ADAM19: variants seen among roughly 807,000 people sequenced by gnomAD.
ADAM19 encodes the protein disintegrin and metalloproteinase domain-containing protein 19.
A neutral mutation model predicts 114.7 loss-of-function variants in ADAM19; 65 were observed. The ratio of observed to expected loss-of-function variants is 0.57; its 90% CI spans 0.46 to 0.70. The LOEUF is 0.70. Among genes scored for constraint, ADAM19 ranks in the 30% least tolerant of loss-of-function variants. The probability of loss-of-function intolerance (pLI) is 0.00; values close to 1 mark genes in which losing one functional copy is unlikely to be tolerated. For missense variants in ADAM19, 1,063 were observed against 1,204.7 expected (o/e 0.88, Z 1.74); for synonymous variants, 466 against 460.5 (o/e 1.01, Z -0.15).
At chr5:157,564,312 G>A (rs1479279286) in intron 3 of ADAM19, 61 bp downstream of exon 3, 2 of 1,499,810 alleles carry the variant, frequency 1.3e-6, no homozygotes, top group African/African-American at 2.7e-5. Flanking sequence ...AGCGACACCT[G>A]CGTCCGGCGT....
intron 1 of ADAM19, among the ~76,000 whole-genome samples, chr5:157,574,830 C>T (rs1561563740): frequency 6.6e-6 from 1 of 152,200 alleles, no homozygotes; most frequent in Non-Finnish European, 1.5e-5. Context: ...TCGAGTCAGA[C>T]CCCTTCGCTT....
Position 157,480,659 on chromosome 5 carries a change from G to A in ADAM19, c.*290C>T. On this transcript the variant is annotated 3_prime_UTR_variant, in exon 23 of 23. Coordinates refer to ENST00000257527, the MANE Select transcript of ADAM19 (RefSeq NM_033274.5). The stretch of plus-strand genomic sequence containing the variant: ...CTCCATCAGCACCTCGGGGCTAGGA[G>A]TCTGGAGGAGAAGCTGCCAGTCACC... 1 of 1,234,386 alleles carries A rather than the reference G, an allele frequency of 8.1e-7. No individual in the cohort carries two copies. The highest frequency in any genetic ancestry group is 1.0e-6 in the Non-Finnish European group (1 of 981,060). The allele number at this position is 1,234,386 out of a possible 1,614,324, so 76.5% of individuals were successfully genotyped here.
chr5:157,491,627 T>C lies in ADAM19; in HGVS notation c.2083A>G (p.Met695Val). Residue 695 changes from methionine to valine, a missense_variant, in exon 18 of 23, where the codon ATG becomes GTG. Met to Val is a conservative substitution (Grantham distance 21). Transcript: ENST00000257527. ...GHGGSIDSGP[M>V]PPESVGPVVA... ...GGCTGGCACTCACTCTCAGGGGGCA[T>C]AGGCCCACTGTCGATACTGCCCCCG... The C allele has an allele frequency of 6.6e-7, 1 of 1,523,242 alleles. No individual in the cohort carries two copies. The highest frequency in any genetic ancestry group is 8.8e-7 in the Non-Finnish European group (1 of 1,134,700). 94.4% of individuals were successfully genotyped at this position (1,523,242 alleles called of 1,614,324 possible).
At position 157,499,557 on chromosome 5, in the gene ADAM19, G is replaced by A; in HGVS notation, c.1398+16C>T. The A allele has an allele frequency of 6.2e-7, 1 of 1,609,396 alleles. No individual in the cohort carries two copies. The highest frequency in any genetic ancestry group is 8.5e-7 in the Non-Finnish European group (1 of 1,177,070). On this transcript the variant is annotated intron_variant, in intron 13 of 22. Transcript: ENST00000257527. ...GTCAGGCCAGGGCCCAAGGCGTGGAGAAAAGGGCCACTTACCTTACACTGG... is the reference window on the plus strand; with the variant it reads ...GTCAGGCCAGGGCCCAAGGCGTGGAAAAAAGGGCCACTTACCTTACACTGG...
intron 3 of ADAM19, among the ~76,000 whole-genome samples, chr5:157,559,267 G>A (rs1456627527): frequency 1.3e-4 from 20 of 152,202 alleles, no homozygotes; most frequent in Non-Finnish European, 1.5e-4. Flanking sequence ...ACCAAAGGAC[G>A]TCTCTCCCTT....
At position 157,477,874 on chromosome 5, in the gene ADAM19, GA is replaced by G. The variant is rs913846589; in HGVS notation, c.*3074del. The G allele has an allele frequency of 9.2e-6, 4 of 436,594 alleles. No homozygotes were observed. Among genetic ancestry groups the G allele is most frequent in the African/African-American group, 8.2e-5 (4 of 48,602 alleles). The allele number at this position is 436,594 out of a possible 1,614,324, so 27.0% of individuals were successfully genotyped here. A position where few individuals can be genotyped will look rare whatever the true frequency, so the allele number is the denominator to read the frequency against. On this transcript the variant is annotated 3_prime_UTR_variant, in exon 23 of 23. Transcript: ENST00000257527. ...GCAATACAAAAAAACACTCCAACCA[GA>G]AAATCAGCAAGTCTCAGACCTTAAG...
At chr5:157,493,830 CTTT>C (rs1755257640) in intron 15 of ADAM19, among the ~76,000 whole-genome samples, 1 of 152,214 alleles carries the variant, frequency 6.6e-6, no homozygotes, top group African/African-American at 2.4e-5. Flanking sequence ...CAACATTATA[CTTT>C]AACTGTATCA....
chr5:157,556,209 C>CTTT (rs68078503), intron 3 of ADAM19, among the ~76,000 whole-genome samples: 16 of 66,314 alleles, frequency 2.4e-4, no homozygotes, highest in Non-Finnish European at 3.0e-4. Context: ...TTTTCTTTTT[C>CTTT]TTTTTTTTTT....
At chr5:157,550,538 T>C (rs987434030) in intron 3 of ADAM19, among the ~76,000 whole-genome samples, 1 of 152,226 alleles carries the variant, frequency 6.6e-6, no homozygotes, top group Non-Finnish European at 1.5e-5. Flanking sequence ...CTGCTGATGT[T>C]TTTTCCTTTT....
intron 5 of ADAM19, among the ~76,000 whole-genome samples, chr5:157,524,205 T>C (rs1405480740): frequency 6.6e-6 from 1 of 152,220 alleles, no homozygotes; most frequent in Non-Finnish European, 1.5e-5. Context: ...CAGTTGTTTA[T>C]CCTTCTAGGA....
chr5:157,554,542 A>T (rs1757311913), intron 3 of ADAM19, among the ~76,000 whole-genome samples: 1 of 152,234 alleles, frequency 6.6e-6, no homozygotes, highest in Non-Finnish European at 1.5e-5. Flanking sequence ...AGTGTTTTCG[A>T]GATACAATTA....
chr5:157,512,320 C>T (rs552572432), intron 8 of ADAM19, among the ~76,000 whole-genome samples: 47 of 152,178 alleles, frequency 3.1e-4, no homozygotes, highest in Non-Finnish European at 5.4e-4. Context: ...CTATTAATCC[C>T]TAAAACATAT....
rs1053393773 is a variant in ADAM19 at position 157,544,775 on chromosome 5, C to A, written c.252-6784G>T. On this transcript the variant is annotated intron_variant, in intron 3 of 22. Transcript: ENST00000257527. ...AGAATTTCTGAGAAAAATCTAAAAG[C>A]GAAAATGGTGAGTAGGAACAACTTC... is the stretch of plus-strand genomic sequence containing the variant. Among the ~76,000 whole-genome samples, 4 of 152,204 alleles carry A rather than the reference C, an allele frequency of 2.6e-5. No individual in the cohort carries two copies. In the South Asian group the frequency reaches 6.2e-4, roughly 24 times the overall value.
At chr5:157,493,444 G>A (rs542266939) in intron 15 of ADAM19, among the ~76,000 whole-genome samples, 1 of 152,272 alleles carries the variant, frequency 6.6e-6, no homozygotes, top group African/African-American at 2.4e-5. Context: ...ATAGCCACCT[G>A]AGCTGAGCAA....
intron 7 of ADAM19, among the ~76,000 whole-genome samples, chr5:157,517,529 A>G (rs1315453177): frequency 6.6e-6 from 1 of 152,110 alleles, no homozygotes; most frequent in Admixed American, 6.5e-5. Context: ...TGTCTGCTTC[A>G]ATGTCAGGGA....
chr5:157,534,493 C>A lies in ADAM19; in HGVS notation c.330+3420G>T, dbSNP rs188494540. 7.2e-5 allele frequency among the ~76,000 whole-genome samples: 11 copies of A among 152,118 alleles called. No individual in the cohort carries two copies. In the East Asian group the frequency reaches 2.1e-3, roughly 29 times the overall value. On this transcript the variant is annotated intron_variant, in intron 4 of 22. Transcript: ENST00000257527. ...AAAACAAACAAACAAACAAACAAAA[C>A]AATAAGAGCTAACATCTAACCAGGC...
intron 3 of ADAM19, among the ~76,000 whole-genome samples, chr5:157,563,529 G>A (rs1236995417): frequency 6.6e-6 from 1 of 152,160 alleles, no homozygotes; most frequent in East Asian, 1.9e-4. Context: ...CTTCCAGGGG[G>A]TTCTGGAGGC....
At chr5:157,518,938 A>G in intron 6 of ADAM19, 50 bp from the exon 7 acceptor site, 1 of 1,515,588 alleles carries the variant, frequency 6.6e-7, no homozygotes, top group Non-Finnish European at 9.1e-7. Context: ...ACTTGGCCTC[A>G]TTTTTAAAAA....
intron 2 of ADAM19, among the ~76,000 whole-genome samples, chr5:157,565,028 T>A (rs1757618671): frequency 6.6e-6 from 1 of 152,160 alleles, no homozygotes; most frequent in Non-Finnish European, 1.5e-5. Context: ...TGGCTCTCCG[T>A]TTGGAAAACC....
Sources: allele counts gnomAD v4.1 joint callset (sites outside exome capture counted in the v4.1 genomes callset), GRCh38; gene constraint gnomAD v4.1.1; transcripts MANE v1.5; gene names NCBI Gene and HGNC (gene_info 2026-07-23, HGNC 2026-07-21).